The following ZFHX3 variants were observed in gnomAD, a reference collection of about 807,000 sequenced individuals.
The protein encoded by ZFHX3 is zinc finger homeobox 3.
Under a neutral mutation model 279.1 loss-of-function variants are expected in ZFHX3, and 42 were observed. The ratio of observed to expected loss-of-function variants is 0.15; its 90% CI spans 0.12 to 0.19. ZFHX3 has a LOEUF of 0.19. Ranked by LOEUF, ZFHX3 falls within the 10% of genes least tolerant of loss-of-function variation. The probability of loss-of-function intolerance (pLI) is 1.00; values close to 1 mark genes in which losing one functional copy is unlikely to be tolerated. For missense variants in ZFHX3, 4,981 were observed against 4,754.0 expected, an observed-to-expected ratio of 1.05 and a Z score of -1.40; for synonymous variants, 2,293 against 1,957.8, an observed-to-expected ratio of 1.17 and a Z score of -4.52.
intron 8 of ZFHX3, chr16:73,081,322 T>C (rs915832009): frequency 4.6e-5 from 7 of 151,926 alleles, no homozygotes; most frequent in Admixed American, 3.9e-4. Context: ...GCACAATCTC[T>C]GCTCTCTGCT....
At chr16:73,398,596 T>C (rs2017179256) in intron 3 of ZFHX3, among the ~76,000 whole-genome samples, 1 of 152,194 alleles carries the variant, frequency 6.6e-6, no homozygotes, top group Non-Finnish European at 1.5e-5. Flanking sequence ...AAATTATCCA[T>C]AGGAGGATCT....
At chr16:73,786,797 G>C (rs530888346) in intron 1 of ZFHX3, among the ~76,000 whole-genome samples, 14 of 152,238 alleles carry the variant, frequency 9.2e-5, no homozygotes, top group Admixed American at 7.2e-4. Flanking sequence ...AGAGAGTCCA[G>C]AGGATCGACT....
At chr16:73,415,132 A>AT (rs974267502) in intron 3 of ZFHX3, among the ~76,000 whole-genome samples, 6 of 152,182 alleles carry the variant, frequency 3.9e-5, no homozygotes, top group African/African-American at 9.6e-5. Context: ...TTTTTATTTT[A>AT]TTTTTTTAAA....
intron 3 of ZFHX3, among the ~76,000 whole-genome samples, chr16:73,441,925 A>T (rs74028653): frequency 0.092 from 14,020 of 152,204 alleles, 2,122 homozygotes; most frequent in African/African-American, 0.32. Context: ...TACCGTTTTG[A>T]GAAAAATGAA....
intron 1 of ZFHX3, among the ~76,000 whole-genome samples, chr16:73,028,530 C>G (rs2144669569): frequency 6.6e-6 from 1 of 152,348 alleles, no homozygotes; most frequent in African/African-American, 2.4e-5. Flanking sequence ...ATGCATCAGG[C>G]ACAGCCTTGG....
chr16:73,051,470 C>CA (rs1451379806), upstream of ZFHX3, among the ~76,000 whole-genome samples: 8 of 152,180 alleles, frequency 5.3e-5, no homozygotes, highest in Non-Finnish European at 1.2e-4. Context: ...GCTGGTGTGC[C>CA]AAGGCCTGCA....
chr16:73,070,547 G>C (rs781146280), intron 8 of ZFHX3, among the ~76,000 whole-genome samples: 16 of 152,134 alleles, frequency 1.1e-4, no homozygotes, highest in Admixed American at 5.2e-4. Context: ...CCTTGTCGCA[G>C]ACGTGAAAAC....
chr16:73,143,749 C>T, intron 6 of ZFHX3: 1 of 1,305,488 alleles, frequency 7.7e-7, no homozygotes, highest in Non-Finnish European at 1.0e-6. Context: ...AGCTGGAACT[C>T]ACCTCTCTAA....
chr16:73,085,632 C>G (rs949199717), intron 8 of ZFHX3, among the ~76,000 whole-genome samples: 2 of 152,162 alleles, frequency 1.3e-5, no homozygotes, highest in African/African-American at 4.8e-5. Context: ...TAACCATATG[C>G]AGAAGCATAA....
At chr16:73,303,632 CAA>C (rs2015109171) in intron 4 of ZFHX3, among the ~76,000 whole-genome samples, 1 of 152,098 alleles carries the variant, frequency 6.6e-6, no homozygotes, top group Non-Finnish European at 1.5e-5. Context: ...CTGTATAAGT[CAA>C]ACCAAAAACC....
chr16:72,798,550 G>T lies in ZFHX3; in HGVS notation c.4132C>A (p.Gln1378Lys). The T allele has an allele frequency of 6.2e-7, 1 of 1,614,224 alleles. No individual in the cohort carries two copies. Residue 1378 changes from glutamine to lysine, a missense_variant, in exon 9 of 10, where the codon CAG (glutamine) becomes AAG (lysine). By Grantham distance (53) the Gln-to-Lys change is moderately conservative (BLOSUM62 1). This residue lies in a region of ZFHX3 where 1,751 missense variants were observed against 1,770.0 expected (regional missense o/e 0.99). Transcript: ENST00000268489. ...GCATGCACTTCATTAAAATGCGTCT[G>T]AAGGGCAGCAGAAGTTTTGAAAACC... ...NQVFKTSAAL[Q>K]THFNEVHAKR...
At chr16:73,710,415 A>G (rs984425908) in intron 1 of ZFHX3, among the ~76,000 whole-genome samples, 1 of 152,146 alleles carries the variant, frequency 6.6e-6, no homozygotes, top group African/African-American at 2.4e-5. Flanking sequence ...TTTCACCCCC[A>G]AATCTGTCTT....
Position 72,792,370 on chromosome 16 carries a change from G to A in ZFHX3, c.9427+885C>T, listed in dbSNP as rs144780149. Among the ~76,000 whole-genome samples the A allele has an allele frequency of 2.0e-5, 3 of 152,140 alleles. No homozygotes were observed. The East Asian group carries it at 5.8e-4, about 29-fold the overall frequency. On this transcript the variant is annotated intron_variant, in intron 9 of 9. Coordinates refer to ENST00000268489, the MANE Select transcript of ZFHX3 (RefSeq NM_006885.4). ...CCTGGTCAGTGCACTCAAGTAGAACGGCCATCTTGTTAAAAACAGCCACTA... is the reference window on the plus strand; with the variant it reads ...CCTGGTCAGTGCACTCAAGTAGAACAGCCATCTTGTTAAAAACAGCCACTA...
chr16:72,876,218 G>A lies in ZFHX3; in HGVS notation c.3448+13513C>T, dbSNP rs890848399. ...AATATTTCATTGAGATGGTAGGGGT[G>A]GAAGAATCTTATAGAAGCAAATTTT... is the stretch of plus-strand genomic sequence containing the variant. On this transcript the variant is annotated intron_variant, in intron 4 of 9. Coordinates refer to ENST00000268489, the MANE Select transcript of ZFHX3 (RefSeq NM_006885.4). Among the ~76,000 whole-genome samples the A allele has an allele frequency of 3.3e-5, 5 of 152,170 alleles. No individual in the cohort carries two copies. In the South Asian group the frequency reaches 8.3e-4, roughly 25 times the overall value.
At chr16:73,278,074 ACACAGATCTAAAC>A (rs2014349618) in intron 4 of ZFHX3, among the ~76,000 whole-genome samples, 1 of 152,202 alleles carries the variant, frequency 6.6e-6, no homozygotes, top group South Asian at 2.1e-4. Context: ...TTCAGTGAGG[ACACAGATCTAAAC>A]CATACCAGTC....
At chr16:72,966,513 T>C (rs924217676) in intron 1 of ZFHX3, among the ~76,000 whole-genome samples, 6 of 152,210 alleles carry the variant, frequency 3.9e-5, no homozygotes, top group Admixed American at 6.5e-5. Flanking sequence ...TTGGCAACAG[T>C]ACTACTCTGT....
chr16:73,506,122 G>A (rs1287697260), intron 2 of ZFHX3, among the ~76,000 whole-genome samples: 2 of 152,158 alleles, frequency 1.3e-5, no homozygotes, highest in Non-Finnish European at 2.9e-5. Flanking sequence ...GTGGATCAAG[G>A]ATTTGCTTAA....
At chr16:73,417,843 G>A (rs1387471320) in intron 3 of ZFHX3, among the ~76,000 whole-genome samples, 1 of 151,270 alleles carries the variant, frequency 6.6e-6, no homozygotes, top group Non-Finnish European at 1.5e-5. Flanking sequence ...TAAAAAATTA[G>A]CCGGGCATGG....
intron 5 of ZFHX3, among the ~76,000 whole-genome samples, chr16:73,221,449 T>A (rs2012417176): frequency 6.6e-6 from 1 of 152,162 alleles, no homozygotes; most frequent in South Asian, 2.1e-4. Flanking sequence ...AAAATTGTGA[T>A]CTCCTATCTA....
Sources: gnomAD v4.1 joint callset for allele counts (sites outside exome capture counted in the v4.1 genomes callset) on GRCh38, gnomAD v4.1.1 for gene constraint, gnomAD v4.1.1 regional missense constraint, MANE v1.5 for transcripts, NCBI Gene and HGNC (gene_info 2026-07-23, HGNC 2026-07-21) for gene names.